LAMB1: variants seen among roughly 807,000 people sequenced by gnomAD.
LAMB1 encodes laminin subunit beta 1, also known as laminin subunit beta-1.
LAMB1 carries 121 observed loss-of-function variants against 222.3 expected under a neutral mutation model. The observed-to-expected ratio is 0.54, with a 90% confidence interval of 0.47 to 0.63. The LOEUF is 0.63. LAMB1 is among the 30% of genes least tolerant of loss of function. LAMB1 has a pLI of 0.00. For synonymous variants in LAMB1, 794 were observed against 807.2 expected (o/e 0.98, Z 0.28); for missense variants, 2,172 against 2,240.8 (o/e 0.97, Z 0.62).
chr7:107,972,081 G>T (rs933449030), intron 13 of LAMB1, among the ~76,000 whole-genome samples: 1 of 152,166 alleles, frequency 6.6e-6, no homozygotes, highest in African/African-American at 2.4e-5. Flanking sequence ...CTCTCTGGAG[G>T]TTTTCTAAGA....
intron 20 of LAMB1, among the ~76,000 whole-genome samples, chr7:107,957,654 T>A (rs2033406701): frequency 2.0e-5 from 3 of 152,218 alleles, no homozygotes; most frequent in African/African-American, 7.2e-5. Context: ...CCAATTCAAT[T>A]TGTTTCTCAA....
At chr7:107,953,398 G>A in intron 22 of LAMB1, 132 bp downstream of exon 22, 1 of 696,146 alleles carries the variant, frequency 1.4e-6, no homozygotes, top group Non-Finnish European at 2.4e-6. Flanking sequence ...TTCCTTAGTT[G>A]AAAGTGAAAT....
intron 3 of LAMB1, among the ~76,000 whole-genome samples, chr7:107,999,232 G>A (rs2034337226): frequency 6.6e-6 from 1 of 152,198 alleles, no homozygotes; most frequent in East Asian, 1.9e-4. Flanking sequence ...CTCCTAAAAT[G>A]GGAGCCAGAG....
Position 107,929,514 on chromosome 7 carries a change from C to G in LAMB1, c.4643G>C (p.Arg1548Pro). 1 of 1,614,022 alleles carries G rather than the reference C, an allele frequency of 6.2e-7. No individual in the cohort carries two copies. The highest frequency in any genetic ancestry group is 8.5e-7 in the Non-Finnish European group (1 of 1,179,910). Reference protein sequence around the residue: ...QQLQNLTEDIRERVESLSQVE... With the variant: ...QQLQNLTEDIPERVESLSQVE... ...TTGAGAAAGGCTTTCAACTCGTTCA[C>G]GTATATCTTCTGTCAAGTTCTGTAA... Residue 1548 changes from arginine to proline, a missense_variant, in exon 30 of 34, where the codon CGT (arginine) becomes CCT (proline). Coordinates refer to ENST00000222399, the MANE Select transcript of LAMB1 (RefSeq NM_002291.3).
At chr7:107,965,109 G>A (rs528301265) in intron 13 of LAMB1, among the ~76,000 whole-genome samples, 24 of 152,216 alleles carry the variant, frequency 1.6e-4, no homozygotes, top group East Asian at 5.8e-4. Flanking sequence ...TCAATCCCTC[G>A]GATGGTCTCT....
intron 5 of LAMB1, among the ~76,000 whole-genome samples, chr7:107,991,331 G>A (rs1445972880): frequency 6.6e-6 from 1 of 152,064 alleles, no homozygotes; most frequent in Non-Finnish European, 1.5e-5. Context: ...TGCCTCTTTT[G>A]TATCCCTGCA....
intron 24 of LAMB1, among the ~76,000 whole-genome samples, chr7:107,946,814 G>A (rs1301179533): frequency 1.3e-5 from 2 of 152,180 alleles, no homozygotes; most frequent in Non-Finnish European, 2.9e-5. Context: ...TAATGTCTGG[G>A]CAAAAGAACA....
In LAMB1 at chr7:107,933,179, T is replaced by C. The variant is rs1259107887; in HGVS notation, c.4189-802A>G. ...CATACAAATGCAAATTGATAAATTA[T>C]AATACAAGTGTGCTATATGATAGAA... On this transcript the variant is annotated intron_variant, in intron 27 of 33. Coordinates refer to ENST00000222399, the MANE Select transcript of LAMB1 (RefSeq NM_002291.3). 4.6e-5 allele frequency among the ~76,000 whole-genome samples: 7 copies of C among 152,300 alleles called. No individual in the cohort carries two copies. The South Asian group carries it at 1.2e-3, about 27-fold the overall frequency.
chr7:107,962,835 C>T (rs2033539142), intron 15 of LAMB1, 70 bp downstream of exon 15: 6 of 1,281,012 alleles, frequency 4.7e-6, no homozygotes, highest in Non-Finnish European at 6.7e-6. Flanking sequence ...ATATAATACC[C>T]ATTAGAAGTA....
chr7:107,972,249 A>C (rs1226375559), intron 13 of LAMB1, among the ~76,000 whole-genome samples: 1 of 152,220 alleles, frequency 6.6e-6, no homozygotes, highest in African/African-American at 2.4e-5. Context: ...TTGGGAAATA[A>C]TTGGGAAAGA....
rs2033505184 is a variant in LAMB1, at chr7:107,961,672, G to C, written c.1862C>G (p.Pro621Arg). 1 of 1,612,832 alleles carries C rather than the reference G, an allele frequency of 6.2e-7. No homozygotes were observed. The highest frequency in any genetic ancestry group is 8.5e-7 in the Non-Finnish European group (1 of 1,179,028). Residue 621 changes from proline (P) to arginine (R), a missense_variant, in exon 16 of 34, where the codon CCC becomes CGC. Pro to Arg is a moderately radical substitution (Grantham distance 103). Transcript: ENST00000222399. The part of the protein sequence containing the change: ...DILIRYEPQL[P>R]DHWEKAVITV... Reference sequence around the variant, plus strand: ...GATGACAGCTTTTTCCCAGTGGTCGGGTAGCTAGAATAAGAAACAAACAAT... The same window carrying C: ...GATGACAGCTTTTTCCCAGTGGTCGCGTAGCTAGAATAAGAAACAAACAAT...
At chr7:107,972,539 T>C (rs561806520) in intron 13 of LAMB1, among the ~76,000 whole-genome samples, 12 of 151,320 alleles carry the variant, frequency 7.9e-5, no homozygotes, top group African/African-American at 2.9e-4. Context: ...CATATTTAAG[T>C]AGCTCAACAT....
chr7:107,978,079 G>C lies in LAMB1; in HGVS notation c.968C>G (p.Pro323Arg), dbSNP rs963445200. 13 of 1,614,042 alleles carry C rather than the reference G, an allele frequency of 8.1e-6. No homozygotes were observed. The highest frequency in any genetic ancestry group is 1.0e-5 in the Non-Finnish European group (12 of 1,180,032). The change falls in exon 9 of 34, where the codon CCT (proline) becomes CGT (arginine). Residue 323 changes from proline (P) to arginine (R), a missense_variant. Physicochemically the swap from Pro to Arg is moderately radical, Grantham distance 103. Coordinates refer to ENST00000222399, the MANE Select transcript of LAMB1 (RefSeq NM_002291.3). ...MDFYHDLPWRPAEGRNSNACK... is the reference protein window; with the variant it reads ...MDFYHDLPWRRAEGRNSNACK... ...GGCGTTGCTGTTTCGGCCTTCAGCA[G>C]GTCTCCAAGGTAAATCATGGTAGAA...
chr7:107,970,169 C>T (rs1309117179), intron 13 of LAMB1, among the ~76,000 whole-genome samples: 2 of 151,980 alleles, frequency 1.3e-5, no homozygotes, highest in African/African-American at 2.4e-5. Flanking sequence ...AGGGAGGGTT[C>T]GGGGCTTCAC....
chr7:107,955,682 C>A, intron 20 of LAMB1, 52 bp from the exon 21 acceptor site: 1 of 1,519,918 alleles, frequency 6.6e-7, no homozygotes, highest in South Asian at 1.3e-5. Context: ...TCTAAGAAAC[C>A]TGTTCCAAGG....
At chr7:107,962,503 C>T (rs1162049411) in intron 15 of LAMB1, among the ~76,000 whole-genome samples, 1 of 152,190 alleles carries the variant, frequency 6.6e-6, no homozygotes, top group Admixed American at 6.5e-5. Flanking sequence ...CACCTGAGGT[C>T]AGGAGTTCAA....
At chr7:107,991,873 A>C (rs2034190089) in intron 5 of LAMB1, among the ~76,000 whole-genome samples, 1 of 134,416 alleles carries the variant, frequency 7.4e-6, no homozygotes, top group East Asian at 2.1e-4. Context: ...GCGCCACTGC[A>C]CTCCAGCCTG....
At chr7:107,992,983 C>A (rs2034213848) in intron 5 of LAMB1, among the ~76,000 whole-genome samples, 1 of 152,098 alleles carries the variant, frequency 6.6e-6, no homozygotes, top group Admixed American at 6.5e-5. Flanking sequence ...TCCCATTTAC[C>A]AATGAGGAAG....
intron 20 of LAMB1, 32 bp from the exon 21 acceptor site, chr7:107,955,662 A>AC: frequency 6.3e-7 from 1 of 1,576,024 alleles, no homozygotes; most frequent in Non-Finnish European, 8.6e-7. Flanking sequence ...ACAGGCCATG[A>AC]CCCCACAGTT....
Sources: gnomAD v4.1 joint callset for allele counts (sites outside exome capture counted in the v4.1 genomes callset) on GRCh38, gnomAD v4.1.1 for gene constraint, MANE v1.5 for transcripts, NCBI Gene and HGNC (gene_info 2026-07-23, HGNC 2026-07-21) for gene names.